The following KDM7A variants were observed in gnomAD, a reference collection of about 807,000 sequenced individuals.
The protein encoded by KDM7A is lysine demethylase 7A, also known as lysine-specific demethylase 7A.
A neutral mutation model predicts 114.8 loss-of-function variants in KDM7A; 28 were observed. That is an observed-to-expected ratio of 0.24 (90% CI 0.18 to 0.33). The LOEUF (loss-of-function observed/expected upper bound fraction) is 0.33, where lower values mean the gene tolerates loss of function less well. Among genes scored for constraint, KDM7A ranks in the 10% least tolerant of loss-of-function variants. KDM7A has a pLI of 1.00. For missense variants in KDM7A, 942 were observed against 1,142.5 expected (o/e 0.82, Z 2.53); for synonymous variants, 423 against 397.8 (o/e 1.06, Z -0.75).
At chr7:140,097,447 C>G (rs1373266625) in intron 15 of KDM7A, 98 bp downstream of exon 15, 3 of 678,558 alleles carry the variant, frequency 4.4e-6, no homozygotes, top group Non-Finnish European at 7.8e-6. Context: ...GACAGACAAG[C>G]TTTGAGAAAA....
intron 1 of KDM7A, among the ~76,000 whole-genome samples, chr7:140,170,743 T>C (rs905921914): frequency 3.9e-5 from 6 of 152,240 alleles, no homozygotes; most frequent in African/African-American, 4.8e-5. Flanking sequence ...CCTTCGAGAA[T>C]GTAAGTCACA....
At chr7:140,165,664 C>T (rs920193919) in intron 1 of KDM7A, among the ~76,000 whole-genome samples, 3 of 152,086 alleles carry the variant, frequency 2.0e-5, no homozygotes, top group Non-Finnish European at 4.4e-5. Flanking sequence ...TTACTACCTG[C>T]CCACAAGTCT....
intron 11 of KDM7A, among the ~76,000 whole-genome samples, chr7:140,109,344 C>G (rs990377762): frequency 6.6e-6 from 1 of 152,254 alleles, no homozygotes; most frequent in Non-Finnish European, 1.5e-5. Flanking sequence ...TCTTCTGTGT[C>G]GCTCACGCTG....
rs1028194550 is a variant in KDM7A at position 140,089,896 on chromosome 7, C to A, written c.*1198G>T. On this transcript the variant is annotated 3_prime_UTR_variant, in exon 20 of 20. Coordinates refer to ENST00000397560, the MANE Select transcript of KDM7A (RefSeq NM_030647.2). ...AGTAAATACACACAAAAGATCTATT[C>A]CAACATGCTTGCTTCTATACAACTT... The A allele has an allele frequency of 1.3e-5, 2 of 152,158 alleles. No individual in the cohort carries two copies. The highest frequency in any genetic ancestry group is 4.8e-5 in the African/African-American group (2 of 41,442). 9.4% of individuals were successfully genotyped at this position (152,158 alleles called of 1,614,324 possible). A position where few individuals can be genotyped will look rare whatever the true frequency, so the allele number is the denominator to read the frequency against.
intron 6 of KDM7A, among the ~76,000 whole-genome samples, chr7:140,125,263 G>T (rs1416815486): frequency 6.6e-6 from 1 of 152,142 alleles, no homozygotes; most frequent in Admixed American, 6.5e-5. Context: ...AACAAATATA[G>T]CCCAGAACAT....
At chr7:140,097,822 T>C (rs1818141021) in intron 14 of KDM7A, among the ~76,000 whole-genome samples, 180 bp from the exon 15 acceptor site, 1 of 152,206 alleles carries the variant, frequency 6.6e-6, no homozygotes. Flanking sequence ...TCTCCCTAAT[T>C]GGCCAAGACA....
chr7:140,167,318 G>A (rs1794589462), intron 1 of KDM7A, among the ~76,000 whole-genome samples: 1 of 152,098 alleles, frequency 6.6e-6, no homozygotes, highest in Non-Finnish European at 1.5e-5. Context: ...AACAAACTAA[G>A]AGGATGGGAC....
intron 7 of KDM7A, among the ~76,000 whole-genome samples, chr7:140,121,140 G>A (rs1359790443): frequency 6.6e-6 from 1 of 152,150 alleles, no homozygotes; most frequent in Non-Finnish European, 1.5e-5. Context: ...GAAGGAAAAG[G>A]TAGATTACTC....
chr7:140,114,006 A>G (rs991447890), intron 9 of KDM7A, among the ~76,000 whole-genome samples: 1 of 152,206 alleles, frequency 6.6e-6, no homozygotes, highest in African/African-American at 2.4e-5. Context: ...AAAGGTTTCA[A>G]ATAAAAGGAT....
chr7:140,114,342 AT>A (rs1405469105), intron 9 of KDM7A, among the ~76,000 whole-genome samples: 3 of 151,674 alleles, frequency 2.0e-5, no homozygotes, highest in Non-Finnish European at 4.4e-5. Context: ...TGGTTTTCGT[AT>A]TTTTTTGGTG....
chr7:140,128,904 G>A (rs2116805762), intron 4 of KDM7A, among the ~76,000 whole-genome samples: 1 of 152,302 alleles, frequency 6.6e-6, no homozygotes, highest in Admixed American at 6.5e-5. Flanking sequence ...ATGGCAAGGG[G>A]TATAGGGGAT....
Position 140,124,643 on chromosome 7 carries a change from T to C in KDM7A, c.1029A>G (p.Gly343=), listed in dbSNP as rs368371283. ...TACCTGTAGGAACAAATAAGGTATG[T>C]CCCTGCTTTACCACACATTTGTAGC... ...DKCYKCVVKQ[G]HTLFVPTGWI... Residue 343 remains glycine (G), a synonymous_variant, in exon 7 of 20, where the codon GGA becomes GGG. Coordinates refer to ENST00000397560, the MANE Select transcript of KDM7A (RefSeq NM_030647.2). 1.4e-5 allele frequency: 22 copies of C among 1,612,712 alleles called. No homozygotes were observed. The highest frequency in any genetic ancestry group is 4.0e-5 in the African/African-American group (3 of 74,872).
intron 11 of KDM7A, among the ~76,000 whole-genome samples, chr7:140,108,720 G>A (rs1286857762): frequency 6.6e-6 from 1 of 152,212 alleles, no homozygotes; most frequent in Non-Finnish European, 1.5e-5. Context: ...CAGGGGTCAG[G>A]GACCCACTTG....
At position 140,158,449 on chromosome 7, in the gene KDM7A, T is replaced by C. The variant is rs73160853; in HGVS notation, c.194+18295A>G. Among the ~76,000 whole-genome samples, 331 of 152,248 alleles carry C rather than the reference T, an allele frequency of 2.2e-3. 1 individual carries two copies. Among genetic ancestry groups the C allele is most frequent in the Middle Eastern group, 0.014 (4 of 294 alleles). On this transcript the variant is annotated intron_variant, in intron 1 of 19. Coordinates refer to ENST00000397560, the MANE Select transcript of KDM7A (RefSeq NM_030647.2). Reference sequence around the variant, plus strand: ...AAGGATGACTCTAAAGATTCTGCCCTGAACAACACGAAGGACTGCCATTAA... The same window carrying C: ...AAGGATGACTCTAAAGATTCTGCCCCGAACAACACGAAGGACTGCCATTAA...
At chr7:140,140,706 A>G (rs1051838972) in intron 1 of KDM7A, among the ~76,000 whole-genome samples, 8 of 151,224 alleles carry the variant, frequency 5.3e-5, no homozygotes, top group Non-Finnish European at 7.4e-5. Flanking sequence ...CCCAGGCGGC[A>G]GAGGTTGCAG....
In KDM7A at chr7:140,089,468, T is replaced by C. The variant is rs2116728941; in HGVS notation, c.*1626A>G. The C allele has an allele frequency of 6.6e-6, 1 of 152,280 alleles. No individual in the cohort carries two copies. The highest frequency in any genetic ancestry group is 2.1e-4 in the South Asian group (1 of 4,818). The allele number at this position is 152,280 out of a possible 1,614,324, so 9.4% of individuals were successfully genotyped here. A position where few individuals can be genotyped will look rare whatever the true frequency, so the allele number is the denominator to read the frequency against. On this transcript the variant is annotated 3_prime_UTR_variant, in exon 20 of 20. Transcript: ENST00000397560. ...GTGATACTTAATAGAGAAGGGTAAG[T>C]CCTGCTATCTTGCTGAGTAAAAAAA...
At chr7:140,152,073 T>C (rs1206905239) in intron 1 of KDM7A, among the ~76,000 whole-genome samples, 3 of 152,170 alleles carry the variant, frequency 2.0e-5, no homozygotes, top group African/African-American at 7.2e-5. Flanking sequence ...ATCTCATAAA[T>C]AGTCTTCAGT....
intron 7 of KDM7A, among the ~76,000 whole-genome samples, chr7:140,121,869 G>A (rs547401528): frequency 1.3e-5 from 2 of 152,188 alleles, no homozygotes; most frequent in South Asian, 2.1e-4. Context: ...ACAATTTCCT[G>A]AAACACAAAA....
intron 9 of KDM7A, among the ~76,000 whole-genome samples, chr7:140,117,191 C>A (rs182677787): frequency 1.3e-5 from 2 of 152,294 alleles, no homozygotes; most frequent in Admixed American, 1.3e-4. Context: ...CATCTTAAAA[C>A]AACCCACAAA....
Sources: allele counts gnomAD v4.1 joint callset (sites outside exome capture counted in the v4.1 genomes callset), GRCh38; gene constraint gnomAD v4.1.1; transcripts MANE v1.5; gene names NCBI Gene and HGNC (gene_info 2026-07-23, HGNC 2026-07-21).